The following POLR3K variants were observed in gnomAD, a reference collection of about 807,000 sequenced individuals.
POLR3K encodes RNA polymerase III subunit K.
In POLR3K, 11 loss-of-function variants were observed where a neutral mutation model predicts 13.5. The ratio of observed to expected loss-of-function variants is 0.81; its 90% CI spans 0.51 to 1.35. The LOEUF is 1.35. POLR3K is among the 40% of genes most tolerant of loss of function. The pLI is 0.00. For missense variants in POLR3K, 144 were observed against 145.3 expected, an observed-to-expected ratio of 0.99 and a Z score of 0.05; for synonymous variants, 56 against 51.5, an observed-to-expected ratio of 1.09 and a Z score of -0.38.
rs781209462 is a variant in POLR3K, at chr16:47,390, C to T, written c.*40G>A. 6 of 1,599,838 alleles carry T rather than the reference C, an allele frequency of 3.8e-6. No individual in the cohort carries two copies. Among genetic ancestry groups the T allele is most frequent in the Non-Finnish European group, 5.1e-6 (6 of 1,170,678 alleles). On this transcript the variant is annotated 3_prime_UTR_variant, in exon 3 of 3. Transcript: ENST00000293860. Reference sequence around the variant, plus strand: ...CCAGCTAAGCATCTACCCCGAGGGACAAGGCAAGCACACACTAGGGCAGCT... The same window carrying T: ...CCAGCTAAGCATCTACCCCGAGGGATAAGGCAAGCACACACTAGGGCAGCT...
rs1428996430 is a variant in POLR3K at position 51,484 on chromosome 16, ACT to A, written c.199+72_199+73del. 4.3e-6 allele frequency: 5 copies of A among 1,154,740 alleles called. No individual in the cohort carries two copies. The Admixed American group carries it at 5.5e-5, about 13-fold the overall frequency. The allele number at this position is 1,154,740 out of a possible 1,614,324, so 71.5% of individuals were successfully genotyped here. A position where few individuals can be genotyped will look rare whatever the true frequency, so the allele number is the denominator to read the frequency against. ...CTACATCATTTATATGACATCATAG[ACT>A]CTGCCAAGCAGTGGCATCAACAGCC... On this transcript the variant is annotated intron_variant, in intron 2 of 2. Transcript: ENST00000293860.
Position 47,394 on chromosome 16 carries a change from G to C in POLR3K, c.*36C>G, listed in dbSNP as rs1465197788. 6.2e-7 allele frequency: 1 copy of C among 1,604,164 alleles called. No individual in the cohort carries two copies. Among genetic ancestry groups the C allele is most frequent in the South Asian group, 1.1e-5 (1 of 90,630 alleles). On this transcript the variant is annotated 3_prime_UTR_variant, in exon 3 of 3. Transcript: ENST00000293860. ...CTAAGCATCTACCCCGAGGGACAAG[G>C]CAAGCACACACTAGGGCAGCTGGGC...
At chr16:48,759 C>T (rs763032418) in intron 2 of POLR3K, among the ~76,000 whole-genome samples, 4 of 149,982 alleles carry the variant, frequency 2.7e-5, no homozygotes, top group Non-Finnish European at 5.9e-5. Context: ...TGCAGTGAGC[C>T]GAGATCGCGC....
intron 1 of POLR3K, chr16:51,900 G>C (rs1897334889): frequency 2.9e-6 from 1 of 339,720 alleles, no homozygotes; most frequent in Non-Finnish European, 5.6e-6. Flanking sequence ...GGCGCCTGTA[G>C]TCCCAGCTAC....
intron 1 of POLR3K, among the ~76,000 whole-genome samples, chr16:52,445 TCAAAAAAAAAAAAAAAAAAAAAAAA>T (rs1567150710): frequency 3.8e-5 from 2 of 52,576 alleles, no homozygotes. Context: ...AGACTCTGTC[TCAAAAAAAAAAAAAAAAAAAAAAAA>T]AAAAAAAAAA....
intron 2 of POLR3K, among the ~76,000 whole-genome samples, chr16:50,471 C>A (rs767683208): frequency 2.0e-5 from 3 of 152,140 alleles, no homozygotes; most frequent in African/African-American, 7.2e-5. Context: ...TGTATTAGTC[C>A]GTTCTCACAC....
At chr16:48,031 A>G (rs942470199) in intron 2 of POLR3K, among the ~76,000 whole-genome samples, 2 of 148,866 alleles carry the variant, frequency 1.3e-5, no homozygotes, top group Non-Finnish European at 3.0e-5. Flanking sequence ...CTGGGATTAC[A>G]GTTGCCCGCC....
At chr16:53,437 G>A in intron 1 of POLR3K, 39 bp downstream of exon 1, 2 of 1,481,076 alleles carry the variant, frequency 1.4e-6, no homozygotes, top group Non-Finnish European at 1.8e-6. Context: ...GAAGGCCTGC[G>A]AGAGTCGCCC....
chr16:51,861 A>G, intron 1 of POLR3K: 1 of 423,560 alleles, frequency 2.4e-6, no homozygotes, highest in Non-Finnish European at 4.3e-6. Context: ...TCTACTAAAA[A>G]TACAAAAAAT....
At chr16:53,114 T>A (rs1211039156) in intron 1 of POLR3K, 1 of 233,692 alleles carries the variant, frequency 4.3e-6, no homozygotes, top group Non-Finnish European at 8.3e-6. Flanking sequence ...GGAGTCAGTG[T>A]CGGAACCTGG....
rs563060385 is a variant in POLR3K at position 50,360 on chromosome 16, G to A, written c.199+1198C>T. Among the ~76,000 whole-genome samples, 9 of 152,060 alleles carry A rather than the reference G, an allele frequency of 5.9e-5. No homozygotes were observed. In the South Asian group the frequency reaches 1.9e-3, roughly 32 times the overall value. On this transcript the variant is annotated intron_variant, in intron 2 of 2. Coordinates refer to ENST00000293860, the MANE Select transcript of POLR3K (RefSeq NM_016310.5). ...TTACGTCTTCCCCTTTCCTCTCCTG[G>A]CCACATCTATGTCTACCAGACATGC...
chr16:52,765 CAAAAAAAAAAAAA>C (rs946489081), intron 1 of POLR3K, among the ~76,000 whole-genome samples: 18 of 33,604 alleles, frequency 5.4e-4, no homozygotes, highest in Admixed American at 2.0e-3. Flanking sequence ...GACTCCGTCT[CAAAAAAAAAAAAA>C]AAAAAAAAAA....
chr16:49,530 G>A (rs1307205696), intron 2 of POLR3K, among the ~76,000 whole-genome samples: 1 of 151,546 alleles, frequency 6.6e-6, no homozygotes, highest in Non-Finnish European at 1.5e-5. Flanking sequence ...GGCTGGAGTG[G>A]CATGGTCTCG....
At position 53,521 on chromosome 16, in the gene POLR3K, G is replaced by T. The variant is rs761700555; in HGVS notation, c.66C>A (p.Arg22=). The change falls in exon 1 of 3, where the codon CGC becomes CGA. Residue 22 remains arginine (R), a synonymous_variant. Coordinates refer to ENST00000293860, the MANE Select transcript of POLR3K (RefSeq NM_016310.5). ...LIVEEGQRCH[R]FACNTCPYVH... is the part of the protein sequence containing the mutation. Reference sequence around the variant, plus strand: ...CGTAGGGGCACGTGTTGCAGGCGAAGCGGTGGCAGCGTTGTCCCTCCTCCA... The same window carrying T: ...CGTAGGGGCACGTGTTGCAGGCGAATCGGTGGCAGCGTTGTCCCTCCTCCA... The T allele has an allele frequency of 3.7e-6, 6 of 1,613,186 alleles. No individual in the cohort carries two copies. Among genetic ancestry groups the T allele is most frequent in the Non-Finnish European group, 5.1e-6 (6 of 1,179,738 alleles).
chr16:52,813 G>T (rs111702021), intron 1 of POLR3K, among the ~76,000 whole-genome samples: 1,581 of 133,208 alleles, frequency 0.012, 31 homozygotes, highest in African/African-American at 0.041. Flanking sequence ...AAAAAATAAA[G>T]AAAGCACACA....
chr16:51,681 A>T, intron 1 of POLR3K, 36 bp from the exon 2 acceptor site: 1 of 1,557,572 alleles, frequency 6.4e-7, no homozygotes, highest in Non-Finnish European at 8.9e-7. Context: ...CAAGTAACTG[A>T]ATAGCGCAAA....
chr16:52,086 T>A (rs1596458234), intron 1 of POLR3K: 1 of 162,326 alleles, frequency 6.2e-6, no homozygotes, highest in Admixed American at 6.1e-5. Context: ...CACAACACAG[T>A]ACAAACTGGA....
intron 2 of POLR3K, among the ~76,000 whole-genome samples, chr16:50,550 C>G (rs1394555572): frequency 6.6e-6 from 1 of 152,114 alleles, no homozygotes; most frequent in East Asian, 1.9e-4. Flanking sequence ...GAGACAGAGT[C>G]TCACTCTTGT....
chr16:53,197 G>C (rs572222600), intron 1 of POLR3K: 2 of 479,254 alleles, frequency 4.2e-6, no homozygotes, highest in South Asian at 3.7e-5. Flanking sequence ...CGCACAGCAC[G>C]GACCTGCGTG....
Sources: gnomAD v4.1 joint callset for allele counts (sites outside exome capture counted in the v4.1 genomes callset) on GRCh38, gnomAD v4.1.1 for gene constraint, MANE v1.5 for transcripts, NCBI Gene and HGNC (gene_info 2026-07-23, HGNC 2026-07-21) for gene names.